The following ARHGAP6 variants were observed in gnomAD, a reference collection of about 807,000 sequenced individuals.
ARHGAP6 encodes rho GTPase-activating protein 6.
A neutral mutation model predicts 55.7 loss-of-function variants in ARHGAP6; 16 were observed. The observed-to-expected ratio is 0.29, with a 90% CI of 0.19 to 0.44. The LOEUF is 0.44. Among genes scored for constraint, ARHGAP6 ranks in the 20% least tolerant of loss-of-function variants. The probability of loss-of-function intolerance (pLI) is 1.00; values close to 1 mark genes in which losing one functional copy is unlikely to be tolerated. For synonymous variants in ARHGAP6, 382 were observed against 360.9 expected (o/e 1.06, Z -0.66); for missense variants, 698 against 808.9 (o/e 0.86, Z 1.66).
At chrX:11,153,381 C>T (rs1365991345) in intron 10 of ARHGAP6, among the ~76,000 whole-genome samples, 1 of 108,537 alleles carries the variant, frequency 9.2e-6, no homozygotes, top group Non-Finnish European at 1.9e-5. Context: ...ATAAATTAGC[C>T]AGGTGTGGTG....
chrX:11,390,297 G>C (rs2049386663), intron 1 of ARHGAP6, among the ~76,000 whole-genome samples: 1 of 111,089 alleles, frequency 9.0e-6, no homozygotes, highest in African/African-American at 3.3e-5. Context: ...TCTCTGTTTT[G>C]GTACCAGTAC....
intron 1 of ARHGAP6, among the ~76,000 whole-genome samples, chrX:11,657,941 G>A (rs2052656986): frequency 8.9e-6 from 1 of 111,792 alleles, no homozygotes; most frequent in South Asian, 3.8e-4. Flanking sequence ...GAAGATTCTT[G>A]GAACTTAGGG....
intron 1 of ARHGAP6, among the ~76,000 whole-genome samples, chrX:11,591,713 A>T (rs2051837362): frequency 8.9e-6 from 1 of 112,156 alleles, no homozygotes; most frequent in South Asian, 3.7e-4. Context: ...ATGAAGATTA[A>T]TGTCATTTAA....
At chrX:11,326,985 T>TA (rs984362257) in intron 1 of ARHGAP6, among the ~76,000 whole-genome samples, 21 of 111,463 alleles carry the variant, frequency 1.9e-4, no homozygotes, top group African/African-American at 6.5e-4. Flanking sequence ...ACATTAAATC[T>TA]AAAAAAAACC....
chrX:11,354,325 C>CTATATA (rs1221987760), intron 1 of ARHGAP6, among the ~76,000 whole-genome samples: 133 of 47,537 alleles, frequency 2.8e-3, no homozygotes, highest in African/African-American at 3.2e-3. Context: ...CTCTCTCTCT[C>CTATATA]TCTATATATA....
At chrX:11,196,898 A>G in intron 3 of ARHGAP6, 27 bp downstream of exon 3, 1 of 847,332 alleles carries the variant, frequency 1.2e-6, no homozygotes. Context: ...TGGAAGATGC[A>G]TTTACATTGG....
intron 1 of ARHGAP6, among the ~76,000 whole-genome samples, chrX:11,530,944 T>G (rs979335308): frequency 1.5e-4 from 17 of 111,859 alleles, no homozygotes; most frequent in Non-Finnish European, 2.8e-4. Flanking sequence ...ATAATCATAC[T>G]ATTTTTCTTC....
At chrX:11,210,832 T>G (rs2046782280) in intron 2 of ARHGAP6, among the ~76,000 whole-genome samples, 1 of 112,471 alleles carries the variant, frequency 8.9e-6, no homozygotes, top group Non-Finnish European at 1.9e-5. Context: ...GATTCCAACA[T>G]TAATCTAGAA....
At chrX:11,429,010 C>T (rs181824461) in intron 1 of ARHGAP6, among the ~76,000 whole-genome samples, 2 of 111,543 alleles carry the variant, frequency 1.8e-5, no homozygotes, top group Non-Finnish European at 3.8e-5. Context: ...TCATCATATA[C>T]CAGAATGCTC....
chrX:11,201,578 C>CG (rs146706788), intron 2 of ARHGAP6, among the ~76,000 whole-genome samples: 28,199 of 110,565 alleles, frequency 0.26, 2,928 homozygotes, highest in African/African-American at 0.37. Context: ...AGAACATACC[C>CG]GGACTCGGTG....
chrX:11,237,983 C>T (rs1356252296), intron 2 of ARHGAP6, among the ~76,000 whole-genome samples: 1 of 111,604 alleles, frequency 9.0e-6, no homozygotes, highest in Non-Finnish European at 1.9e-5. Context: ...CAGAGCACCC[C>T]ACCACTGTTG....
At chrX:11,395,290 T>C (rs1312897552) in intron 1 of ARHGAP6, among the ~76,000 whole-genome samples, 3 of 111,839 alleles carry the variant, frequency 2.7e-5, no homozygotes, top group Non-Finnish European at 3.8e-5. Flanking sequence ...ATATGAAGTA[T>C]AATAATGGGA....
chrX:11,654,072 T>C (rs1478127136), intron 1 of ARHGAP6, among the ~76,000 whole-genome samples: 3 of 112,007 alleles, frequency 2.7e-5, no homozygotes, highest in Non-Finnish European at 5.6e-5. Context: ...GCTCAGAAAG[T>C]CTGCTGGCCC....
chrX:11,396,482 T>A (rs181189577), intron 1 of ARHGAP6, among the ~76,000 whole-genome samples: 347 of 111,954 alleles, frequency 3.1e-3, no homozygotes, highest in Non-Finnish European at 5.3e-3. Context: ...TTATCTTTTT[T>A]AAATTATCTA....
intron 1 of ARHGAP6, among the ~76,000 whole-genome samples, chrX:11,650,153 C>A (rs758285761): frequency 1.8e-5 from 2 of 109,413 alleles, no homozygotes; most frequent in Non-Finnish European, 3.8e-5. Context: ...CACCACCACA[C>A]CTGGTTAATT....
chrX:11,446,895 G>T (rs2050097972), intron 1 of ARHGAP6, among the ~76,000 whole-genome samples: 1 of 110,689 alleles, frequency 9.0e-6, no homozygotes, highest in Admixed American at 9.6e-5. Context: ...ATTTTTTTTG[G>T]CCAGGCCATA....
chrX:11,297,053 T>C (rs2048097986), intron 1 of ARHGAP6, among the ~76,000 whole-genome samples: 1 of 111,500 alleles, frequency 9.0e-6, no homozygotes, highest in African/African-American at 3.3e-5. Flanking sequence ...CTCCTAAATA[T>C]GGCCGTAAGC....
chrX:11,213,375 T>G (rs2046834535), intron 2 of ARHGAP6, among the ~76,000 whole-genome samples: 1 of 112,431 alleles, frequency 8.9e-6, no homozygotes, highest in Non-Finnish European at 1.9e-5. Context: ...TGTCACTCTA[T>G]TCAATCCACC....
intron 1 of ARHGAP6, among the ~76,000 whole-genome samples, chrX:11,657,134 C>T (rs1231234123): frequency 1.8e-5 from 2 of 111,293 alleles, no homozygotes; most frequent in African/African-American, 3.3e-5. Context: ...ATTGAAATGA[C>T]TAGCTAAGTA....
Sources: allele counts gnomAD v4.1 joint callset (sites outside exome capture counted in the v4.1 genomes callset), GRCh38; gene constraint gnomAD v4.1.1; transcripts MANE v1.5; gene names NCBI Gene and HGNC (gene_info 2026-07-23, HGNC 2026-07-21).